PTBP2: variants seen among roughly 807,000 people sequenced by gnomAD.
The protein encoded by PTBP2 is polypyrimidine tract binding protein 2, also known as polypyrimidine tract-binding protein 2.
A neutral mutation model predicts 61.4 loss-of-function variants in PTBP2; 13 were observed. That is an observed-to-expected ratio of 0.21 (90% confidence interval 0.14 to 0.34). The LOEUF (loss-of-function observed/expected upper bound fraction) is 0.34. Among genes scored for constraint, PTBP2 ranks in the 10% least tolerant of loss-of-function variants. The probability of loss-of-function intolerance (pLI) is 1.00; values close to 1 mark genes in which losing one functional copy is unlikely to be tolerated. For missense variants in PTBP2, 405 were observed against 642.6 expected (o/e 0.63, Z 4.00); for synonymous variants, 215 against 218.5 (o/e 0.98, Z 0.14).
chr1:96,750,204 GATTAGAGTATTCA>G (rs1654361230), intron 2 of PTBP2, among the ~76,000 whole-genome samples: 1 of 151,596 alleles, frequency 6.6e-6, no homozygotes, highest in Admixed American at 6.6e-5. Context: ...CTTTGAGAAT[GATTAGAGTATTCA>G]ATTAGATCTT....
Position 96,798,076 on chromosome 1 carries a change from TA to T in PTBP2, c.905-6706del, listed in dbSNP as rs563043412. Among the ~76,000 whole-genome samples the T allele has an allele frequency of 8.0e-3, 885 of 110,190 alleles. 3 individuals carry two copies. Among genetic ancestry groups the T allele is most frequent in the East Asian group, 0.016 (61 of 3,848 alleles). The allele number at this position is 110,190 out of a possible 152,430, so 72.3% of individuals were successfully genotyped here. On this transcript the variant is annotated intron_variant, in intron 8 of 13. Transcript: ENST00000674951. Reference sequence around the variant, plus strand: ...GGGCGACAGAGCGAGACTCTGTCTCTAAAAAAAAAAAAAAAAAATTAGAAGG... The same window carrying T: ...GGGCGACAGAGCGAGACTCTGTCTCTAAAAAAAAAAAAAAAAATTAGAAGG...
chr1:96,724,922 G>C (rs937398608), intron 2 of PTBP2, among the ~76,000 whole-genome samples: 1 of 152,142 alleles, frequency 6.6e-6, no homozygotes, highest in African/African-American at 2.4e-5. Flanking sequence ...GGATGGTACT[G>C]TGTTTTCTTG....
At chr1:96,779,857 A>G (rs1177661566) in intron 7 of PTBP2, among the ~76,000 whole-genome samples, 4 of 150,306 alleles carry the variant, frequency 2.7e-5, no homozygotes, top group Non-Finnish European at 1.5e-5. Context: ...TACTTAGAGA[A>G]TATCACATAA....
At position 96,795,748 on chromosome 1, in the gene PTBP2, C is replaced by T. The variant is rs1179209287; in HGVS notation, c.905-9052C>T. Among the ~76,000 whole-genome samples the T allele has an allele frequency of 2.6e-5, 4 of 151,994 alleles. No homozygotes were observed. In the East Asian group the frequency reaches 7.7e-4, roughly 29 times the overall value. On this transcript the variant is annotated intron_variant, in intron 8 of 13. Transcript: ENST00000674951. Reference sequence around the variant, plus strand: ...CACTGTACTCTTTGAGGAAGTTTGCCATAGAAAGGAAGAAGAAATAGGATG... The same window carrying T: ...CACTGTACTCTTTGAGGAAGTTTGCTATAGAAAGGAAGAAGAAATAGGATG...
chr1:96,783,084 A>G (rs1201637891), intron 7 of PTBP2, among the ~76,000 whole-genome samples: 4 of 152,028 alleles, frequency 2.6e-5, no homozygotes, highest in African/African-American at 9.7e-5. Flanking sequence ...TTGCTGAACC[A>G]CAGGACTGGT....
chr1:96,767,223 C>T (rs1656833343), intron 3 of PTBP2, among the ~76,000 whole-genome samples: 1 of 152,110 alleles, frequency 6.6e-6, no homozygotes, highest in African/African-American at 2.4e-5. Flanking sequence ...ATCCAGAAAA[C>T]ATCCAACACA....
At chr1:96,822,854 G>T (rs12068332) in exon 14 of PTBP2, 15 of 151,972 alleles carry the variant, frequency 9.9e-5, no homozygotes, top group Admixed American at 7.9e-4. Context: ...GCATGTTTTT[G>T]AATTGTCTTT....
chr1:96,800,549 TAGTG>T (rs1660878937), intron 8 of PTBP2, among the ~76,000 whole-genome samples: 1 of 151,784 alleles, frequency 6.6e-6, no homozygotes, highest in Non-Finnish European at 1.5e-5. Flanking sequence ...CTGAGCAACA[TAGTG>T]AGATCTCAGT....
At chr1:96,740,327 T>C (rs1178306880) in intron 2 of PTBP2, among the ~76,000 whole-genome samples, 2 of 152,072 alleles carry the variant, frequency 1.3e-5, no homozygotes, top group Non-Finnish European at 2.9e-5. Flanking sequence ...AGGCCACCAT[T>C]TTACTTTGTG....
intron 5 of PTBP2, 101 bp from the exon 6 acceptor site, chr1:96,777,484 C>A (rs1177560387): frequency 8.9e-6 from 9 of 1,012,906 alleles, no homozygotes; most frequent in Non-Finnish European, 1.2e-5. Flanking sequence ...TTTGTTTAAT[C>A]TGTGTAAGTT....
chr1:96,783,772 G>C (rs1421361676), intron 7 of PTBP2, among the ~76,000 whole-genome samples: 1 of 151,846 alleles, frequency 6.6e-6, no homozygotes, highest in African/African-American at 2.4e-5. Flanking sequence ...TTTACACCAG[G>C]GTATTCAATT....
intron 3 of PTBP2, among the ~76,000 whole-genome samples, chr1:96,760,606 C>T (rs71656162): frequency 0.012 from 1,810 of 151,926 alleles, 8 homozygotes; most frequent in East Asian, 0.02. Flanking sequence ...CCACCACACC[C>T]GGCTAATTTT....
intron 2 of PTBP2, among the ~76,000 whole-genome samples, chr1:96,734,767 G>A (rs1438328010): frequency 6.6e-6 from 1 of 151,850 alleles, no homozygotes; most frequent in Non-Finnish European, 1.5e-5. Context: ...ATATTTTTAA[G>A]TGGTGGGTTT....
rs146791018 is a variant in PTBP2, at chr1:96,730,338, T to C, written c.39+6744T>C. On this transcript the variant is annotated intron_variant, in intron 2 of 13. Coordinates refer to ENST00000674951, the MANE Select transcript of PTBP2 (RefSeq NM_021190.4). ...TACTTTTACTTATATAGGGATTTAT[T>C]GCTGTATGTTTCCCTTTTAAGTACC... Among the ~76,000 whole-genome samples the C allele has an allele frequency of 4.0e-3, 608 of 152,336 alleles. 3 individuals carry two copies. Among genetic ancestry groups the C allele is most frequent in the Non-Finnish European group, 6.8e-3 (465 of 68,020 alleles).
At chr1:96,807,925 CCT>C (rs1238982637) in intron 11 of PTBP2, among the ~76,000 whole-genome samples, 2 of 152,098 alleles carry the variant, frequency 1.3e-5, no homozygotes, top group Non-Finnish European at 2.9e-5. Context: ...TACATATTTT[CCT>C]CTTTCTCTGT....
rs147916074 is a variant in PTBP2 at position 96,769,794 on chromosome 1, A to G, written c.207A>G (p.Glu69=). Residue 69 remains glutamate (E), a synonymous_variant, in exon 4 of 14, where the codon GAA becomes GAG. Transcript: ENST00000674951. The stretch of plus-strand genomic sequence containing the variant: ...TTCATATTCGAAAATTACCTGGGGA[A>G]GTAACAGAAACTGAAGTTATTGCTT... ...RVLHIRKLPG[E]VTETEVIALG... The G allele has an allele frequency of 4.3e-6, 7 of 1,612,484 alleles. No homozygotes were observed. Among genetic ancestry groups the G allele is most frequent in the Non-Finnish European group, 5.9e-6 (7 of 1,178,986 alleles).
exon 14 of PTBP2, chr1:96,823,080 C>T (rs934121423): frequency 1.3e-5 from 2 of 152,456 alleles, no homozygotes; most frequent in African/African-American, 2.4e-5. Context: ...CCTGCCTCAG[C>T]CTCCTGAGTA....
At chr1:96,780,423 A>G (rs1012098767) in intron 7 of PTBP2, among the ~76,000 whole-genome samples, 1 of 151,846 alleles carries the variant, frequency 6.6e-6, no homozygotes, top group Non-Finnish European at 1.5e-5. Context: ...TTATTATCTC[A>G]TTTCTCTACT....
At chr1:96,784,911 A>G in intron 7 of PTBP2, 148 bp from the exon 8 acceptor site, 1 of 613,232 alleles carries the variant, frequency 1.6e-6, no homozygotes, top group Non-Finnish European at 2.7e-6. Flanking sequence ...CAGCTGGAAC[A>G]GCAAAATTTG....
Sources: allele counts gnomAD v4.1 joint callset (sites outside exome capture counted in the v4.1 genomes callset), GRCh38; gene constraint gnomAD v4.1.1; transcripts MANE v1.5; gene names NCBI Gene and HGNC (gene_info 2026-07-23, HGNC 2026-07-21).